Variants in TEX9 observed in about 807,000 individuals in gnomAD.
The protein encoded by TEX9 is testis-expressed protein 9.
Under a neutral mutation model 59.6 loss-of-function variants are expected in TEX9, and 74 were observed. The ratio of observed to expected loss-of-function variants is 1.24; its 90% CI spans 1.03 to 1.51. The LOEUF (loss-of-function observed/expected upper bound fraction) is 1.51, where lower values mean the gene tolerates loss of function less well. Ranked by LOEUF, TEX9 falls within the 40% of genes most tolerant of loss-of-function variation. The pLI, the probability that TEX9 is intolerant of heterozygous loss-of-function variation, is 0.00. For synonymous variants in TEX9, 186 were observed against 152.2 expected (o/e 1.22, Z -1.64); for missense variants, 522 against 447.8 (o/e 1.17, Z -1.49).
the TEX9 span, among the ~76,000 whole-genome samples, chr15:56,454,043 G>A: frequency 6.6e-6 from 1 of 151,064 alleles, no homozygotes. Flanking sequence ...AATATGGCTT[G>A]TGCACAAAAT....
At chr15:56,366,628 C>T (rs949773991) in intron 2 of TEX9, among the ~76,000 whole-genome samples, 7 of 152,068 alleles carry the variant, frequency 4.6e-5, no homozygotes, top group African/African-American at 1.7e-4. Flanking sequence ...AGGGCAGAGG[C>T]GATGTCTGTT....
chr15:56,255,793 T>C (rs9672464), intron 1 of TEX9, among the ~76,000 whole-genome samples: 5,750 of 152,022 alleles, frequency 0.038, 396 homozygotes, highest in African/African-American at 0.13. Flanking sequence ...TTTAGAAGAC[T>C]TTAACACACA....
intron 1 of TEX9, among the ~76,000 whole-genome samples, chr15:56,346,214 A>G (rs954597740): frequency 6.6e-6 from 1 of 152,214 alleles, no homozygotes; most frequent in African/African-American, 2.4e-5. Flanking sequence ...GAATTTTTGA[A>G]CTGAGATTGG....
intron 1 of TEX9, among the ~76,000 whole-genome samples, chr15:56,276,997 G>GT (rs2044684898): frequency 1.4e-5 from 2 of 145,796 alleles, no homozygotes; most frequent in Non-Finnish European, 3.0e-5. Flanking sequence ...CCTTCGCCCA[G>GT]TTTTTGATGG....
chr15:56,378,129 AT>A (rs1343483196), intron 3 of TEX9, among the ~76,000 whole-genome samples: 3 of 152,008 alleles, frequency 2.0e-5, no homozygotes, highest in Admixed American at 1.3e-4. Flanking sequence ...GTTTGCTAGT[AT>A]TTTTTGAGGA....
chr15:56,330,159 C>T (rs1734735972), intron 1 of TEX9, among the ~76,000 whole-genome samples: 1 of 151,856 alleles, frequency 6.6e-6, no homozygotes, highest in African/African-American at 2.4e-5. Context: ...AATATTTTAC[C>T]CTAGAATAAT....
intron 1 of TEX9, among the ~76,000 whole-genome samples, chr15:56,271,973 A>G (rs1310335461): frequency 2.0e-5 from 3 of 152,044 alleles, no homozygotes; most frequent in Non-Finnish European, 4.4e-5. Context: ...CCCTGTCTCT[A>G]CTAAAAACTA....
exon 12 of TEX9, chr15:56,428,407 A>G: frequency 2.5e-6 from 4 of 1,612,352 alleles, no homozygotes; most frequent in Non-Finnish European, 3.4e-6. Flanking sequence ...TTCACTGAGG[A>G]GGAATTTATG....
chr15:56,265,038 C>A (rs538901591), intron 1 of TEX9, among the ~76,000 whole-genome samples: 8 of 152,228 alleles, frequency 5.3e-5, no homozygotes, highest in Non-Finnish European at 1.2e-4. Flanking sequence ...AGTAAGTCCT[C>A]CAATTTTGTT....
intron 1 of TEX9, among the ~76,000 whole-genome samples, chr15:56,248,515 A>G (rs1387105854): frequency 6.6e-6 from 1 of 152,206 alleles, no homozygotes; most frequent in Admixed American, 6.5e-5. Context: ...TTCACATAAT[A>G]TACTCAGCTC....
At chr15:56,315,944 G>A (rs369919778) in intron 1 of TEX9, among the ~76,000 whole-genome samples, 104 of 151,418 alleles carry the variant, frequency 6.9e-4, no homozygotes, top group Non-Finnish European at 9.6e-4. Flanking sequence ...TGATCGCGTC[G>A]GCTCCTGAGG....
chr15:56,321,318 A>G (rs771142683), intron 1 of TEX9, among the ~76,000 whole-genome samples: 31 of 152,204 alleles, frequency 2.0e-4, no homozygotes, highest in Admixed American at 6.5e-5. Context: ...ACTCAGGTTA[A>G]GAAGCAACTG....
chr15:56,284,433 A>G (rs2044895232), intron 1 of TEX9, among the ~76,000 whole-genome samples: 1 of 152,204 alleles, frequency 6.6e-6, no homozygotes, highest in African/African-American at 2.4e-5. Context: ...TTATCTGGAA[A>G]GAATATTATA....
At chr15:56,412,360 A>G (rs1228989729) in exon 10 of TEX9, 1 of 1,613,668 alleles carries the variant, frequency 6.2e-7, no homozygotes, top group South Asian at 1.1e-5. Flanking sequence ...AGTGCCACAG[A>G]GGTTCGCTTG....
chr15:56,333,102 G>A (rs936705971), intron 1 of TEX9, among the ~76,000 whole-genome samples: 3 of 151,932 alleles, frequency 2.0e-5, no homozygotes, highest in African/African-American at 7.3e-5. Context: ...TAAAGAAGAA[G>A]TAATAACAAT....
intron 1 of TEX9, among the ~76,000 whole-genome samples, chr15:56,255,785 T>C (rs2044132257): frequency 6.6e-6 from 1 of 152,102 alleles, no homozygotes; most frequent in African/African-American, 2.4e-5. Flanking sequence ...AGAGCCATTT[T>C]AGAAGACTTT....
intron 12 of TEX9, among the ~76,000 whole-genome samples, chr15:56,438,351 AAGAC>A (rs1233615810): frequency 1.3e-5 from 2 of 152,114 alleles, no homozygotes; most frequent in African/African-American, 2.4e-5. Context: ...TGTTACAAAA[AAGAC>A]AGGTTTGTTA....
At chr15:56,361,578 C>T (rs1380186935), upstream of TEX9, among the ~76,000 whole-genome samples, 7 of 151,954 alleles carry the variant, frequency 4.6e-5, no homozygotes, top group East Asian at 1.9e-4. Context: ...TGTATAATTT[C>T]GGTTATAGGT....
upstream of TEX9, among the ~76,000 whole-genome samples, chr15:56,361,939 A>C (rs2046797776): frequency 6.6e-6 from 1 of 152,164 alleles, no homozygotes; most frequent in African/African-American, 2.4e-5. Context: ...CTGGTTTTGG[A>C]CTTCTAGCCT....
Sources: allele counts gnomAD v4.1 joint callset (sites outside exome capture counted in the v4.1 genomes callset), GRCh38; gene constraint gnomAD v4.1.1; transcripts MANE v1.5; gene names NCBI Gene and HGNC (gene_info 2026-07-23, HGNC 2026-07-21).